The following GABRB3 variants were observed in gnomAD, a reference collection of about 807,000 sequenced individuals.
GABRB3 encodes gamma-aminobutyric acid receptor subunit beta-3.
Under a neutral mutation model 52.1 loss-of-function variants are expected in GABRB3, and 14 were observed. The ratio of observed to expected loss-of-function variants is 0.27; its 90% CI spans 0.18 to 0.42. The LOEUF is 0.42. Among genes scored for constraint, GABRB3 ranks in the 10% least tolerant of loss-of-function variants. The pLI is 1.00. For missense variants in GABRB3, 307 were observed against 609.1 expected, an observed-to-expected ratio of 0.50 and a Z score of 5.22; for synonymous variants, 260 against 232.3, an observed-to-expected ratio of 1.12 and a Z score of -1.08.
chr15:26,690,106 A>ATT (rs56143305), intron 3 of GABRB3, among the ~76,000 whole-genome samples: 15,154 of 137,356 alleles, frequency 0.11, 1,085 homozygotes, highest in Middle Eastern at 0.16. Context: ...AGGTACACGG[A>ATT]TTTTTTTTTT....
intron 4 of GABRB3, among the ~76,000 whole-genome samples, chr15:26,583,722 T>C (rs557276549): frequency 2.7e-4 from 41 of 152,150 alleles, no homozygotes; most frequent in Non-Finnish European, 4.4e-4. Flanking sequence ...TTTTGAAATA[T>C]ATATACACTG....
At chr15:26,751,733 A>T (rs1890514376) in intron 3 of GABRB3, among the ~76,000 whole-genome samples, 1 of 152,122 alleles carries the variant, frequency 6.6e-6, no homozygotes. Context: ...TTTTGGTCCA[A>T]GCATAAATCA....
intron 8 of GABRB3, among the ~76,000 whole-genome samples, chr15:26,551,591 CCT>C (rs769602865): frequency 1.1e-4 from 16 of 152,222 alleles, no homozygotes; most frequent in Middle Eastern, 3.2e-3. Flanking sequence ...ACTCCTGTCC[CCT>C]GTGAGCTCCT....
chr15:26,550,163 GAA>G (rs1481805887), intron 8 of GABRB3: 2 of 152,144 alleles, frequency 1.3e-5, no homozygotes, highest in Non-Finnish European at 2.9e-5. Flanking sequence ...GGAAGCAGGA[GAA>G]AAAGTCAGAG....
chr15:26,728,360 C>T (rs1361679982), intron 3 of GABRB3, among the ~76,000 whole-genome samples: 1 of 152,190 alleles, frequency 6.6e-6, no homozygotes, highest in East Asian at 1.9e-4. Context: ...CAGCACCTGC[C>T]CTCCATGGTT....
chr15:26,639,888 G>A (rs1307194682), intron 3 of GABRB3, among the ~76,000 whole-genome samples: 1 of 152,124 alleles, frequency 6.6e-6, no homozygotes, highest in Non-Finnish European at 1.5e-5. Context: ...GCAGGCAGAT[G>A]GAAGATTTAG....
At chr15:26,680,918 T>C (rs1888219516) in intron 3 of GABRB3, among the ~76,000 whole-genome samples, 1 of 152,174 alleles carries the variant, frequency 6.6e-6, no homozygotes. Context: ...TTATGCTGCT[T>C]GCTAGAAAAA....
chr15:26,628,506 A>T lies in GABRB3; in HGVS notation c.241-6972T>A, dbSNP rs1055367181. Among the ~76,000 whole-genome samples, 3 of 152,326 alleles carry T rather than the reference A, an allele frequency of 2.0e-5. No homozygotes were observed. The East Asian group carries it at 5.8e-4, about 30-fold the overall frequency. On this transcript the variant is annotated intron_variant, in intron 3 of 8. Transcript: ENST00000311550. ...GAAAAAGAAGCCACTTCTGGGAAGGATGACTACAGGTGAATTCTTGGAAAA... is the reference window on the plus strand; with the variant it reads ...GAAAAAGAAGCCACTTCTGGGAAGGTTGACTACAGGTGAATTCTTGGAAAA...
intron 3 of GABRB3, among the ~76,000 whole-genome samples, chr15:26,718,362 A>G (rs2140138994): frequency 6.6e-6 from 1 of 152,236 alleles, no homozygotes; most frequent in East Asian, 1.9e-4. Flanking sequence ...GGCATGCGCC[A>G]CCAAGCCCGG....
intron 3 of GABRB3, chr15:26,666,338 G>A (rs532486785): frequency 7.2e-5 from 11 of 152,252 alleles, no homozygotes; most frequent in Admixed American, 5.9e-4. Flanking sequence ...TATTTTTATT[G>A]TGACTCTTTC....
rs146556428 is a variant in GABRB3 at position 26,543,831 on chromosome 15, C to T, written c.*3962G>A. ...GAAACATGAGACAAACGTGACAAAACATGTTCATGGGGTTGGTCCTAGGGA... is the reference window on the plus strand; with the variant it reads ...GAAACATGAGACAAACGTGACAAAATATGTTCATGGGGTTGGTCCTAGGGA... On this transcript the variant is annotated 3_prime_UTR_variant, in exon 9 of 9. Transcript: ENST00000311550. 4 of 152,656 alleles carry T rather than the reference C, an allele frequency of 2.6e-5. No individual in the cohort carries two copies. Among genetic ancestry groups the T allele is most frequent in the African/African-American group, 9.6e-5 (4 of 41,548 alleles). The allele number at this position is 152,656 out of a possible 1,614,324, so 9.5% of individuals were successfully genotyped here.
intron 8 of GABRB3, among the ~76,000 whole-genome samples, chr15:26,554,021 T>TATATATATATATATATATATA (rs1555400757): frequency 3.8e-4 from 9 of 23,682 alleles, no homozygotes; most frequent in African/African-American, 1.3e-3. Flanking sequence ...ACCTGACTAT[T>TATATATATATATATATATATA]TATATATATA....
At chr15:26,619,663 TATA>T (rs540214439) in intron 4 of GABRB3, among the ~76,000 whole-genome samples, 21 of 151,732 alleles carry the variant, frequency 1.4e-4, no homozygotes, top group South Asian at 2.1e-4. Context: ...AAACTTAAAG[TATA>T]ATAATAATAA....
rs140123798 is a variant in GABRB3, at chr15:26,599,587, A to C, written c.462-16173T>G. 7.0e-4 allele frequency among the ~76,000 whole-genome samples: 107 copies of C among 152,330 alleles called. 1 individual carries two copies. Among genetic ancestry groups the C allele is most frequent in the African/African-American group, 2.5e-3 (103 of 41,580 alleles). Reference sequence around the variant, plus strand: ...TAGAGCACAGTCAGCAGCTTCATTCAACCTCAAAGCAAAGGCAGAGACCCA... The same window carrying C: ...TAGAGCACAGTCAGCAGCTTCATTCCACCTCAAAGCAAAGGCAGAGACCCA... On this transcript the variant is annotated intron_variant, in intron 4 of 8. Coordinates refer to ENST00000311550, the MANE Select transcript of GABRB3 (RefSeq NM_000814.6).
intron 4 of GABRB3, chr15:26,612,102 G>A (rs1232039611): frequency 6.6e-6 from 1 of 152,100 alleles, no homozygotes; most frequent in African/African-American, 2.4e-5. Context: ...AAAAAACAAT[G>A]GAAGTAAAAG....
chr15:26,562,942 C>T (rs532275989), intron 7 of GABRB3, among the ~76,000 whole-genome samples: 1 of 152,206 alleles, frequency 6.6e-6, no homozygotes, highest in South Asian at 2.1e-4. Context: ...CATTCATGTG[C>T]ACCTGGGGAC....
At chr15:26,550,964 C>A (rs1889440666) in intron 8 of GABRB3, among the ~76,000 whole-genome samples, 1 of 152,158 alleles carries the variant, frequency 6.6e-6, no homozygotes, top group South Asian at 2.1e-4. Flanking sequence ...ATTTTTCAGA[C>A]AAAATGCAGC....
At chr15:26,692,219 T>C (rs1029726705) in intron 3 of GABRB3, among the ~76,000 whole-genome samples, 5 of 152,246 alleles carry the variant, frequency 3.3e-5, no homozygotes, top group South Asian at 2.1e-4. Flanking sequence ...GATCTTTCTC[T>C]TCTCAGAAAC....
chr15:26,716,093 T>C (rs1424945223), intron 3 of GABRB3, among the ~76,000 whole-genome samples: 1 of 152,210 alleles, frequency 6.6e-6, no homozygotes, highest in East Asian at 1.9e-4. Context: ...CATGAGCTGA[T>C]CAATATCCTG....
Sources: gnomAD v4.1 joint callset for allele counts (sites outside exome capture counted in the v4.1 genomes callset) on GRCh38, gnomAD v4.1.1 for gene constraint, MANE v1.5 for transcripts, NCBI Gene and HGNC (gene_info 2026-07-23, HGNC 2026-07-21) for gene names.